Variants in MAML2 observed in about 807,000 individuals in gnomAD.
MAML2 encodes mastermind like transcriptional coactivator 2.
A neutral mutation model predicts 96.1 loss-of-function variants in MAML2; 22 were observed. The ratio of observed to expected loss-of-function variants is 0.23; its 90% CI spans 0.16 to 0.33. The LOEUF (loss-of-function observed/expected upper bound fraction) is 0.33. Ranked by LOEUF, MAML2 falls within the 10% of genes least tolerant of loss-of-function variation. MAML2 has a pLI of 1.00. For missense variants in MAML2, 1,367 were observed against 1,392.4 expected (o/e 0.98, Z 0.29); for synonymous variants, 561 against 521.3 (o/e 1.08, Z -1.04).
intron 1 of MAML2, among the ~76,000 whole-genome samples, chr11:96,247,221 ATAAG>A (rs1009548971): frequency 4.6e-5 from 7 of 152,114 alleles, no homozygotes; most frequent in African/African-American, 1.7e-4. Flanking sequence ...CAAAAAAAAA[ATAAG>A]TAAACCTTCA....
chr11:96,110,656 G>A (rs1860103397), intron 1 of MAML2, among the ~76,000 whole-genome samples: 1 of 151,462 alleles, frequency 6.6e-6, no homozygotes, highest in African/African-American at 2.4e-5. Context: ...GTATTCTTTT[G>A]GTTGGGTTTT....
chr11:96,181,217 C>T (rs1470253549), intron 1 of MAML2, among the ~76,000 whole-genome samples: 1 of 152,164 alleles, frequency 6.6e-6, no homozygotes, highest in Non-Finnish European at 1.5e-5. Context: ...AGAGGCCTGA[C>T]AGTACCTCCA....
At chr11:96,089,887 A>G (rs1198663953) in intron 2 of MAML2, among the ~76,000 whole-genome samples, 1 of 61,858 alleles carries the variant, frequency 1.6e-5, no homozygotes, top group Admixed American at 1.3e-4. Context: ...CCTCTGTATC[A>G]TATATGTCAT....
At chr11:96,045,909 T>G (rs1220377412) in intron 2 of MAML2, among the ~76,000 whole-genome samples, 2 of 151,586 alleles carry the variant, frequency 1.3e-5, no homozygotes, top group South Asian at 2.2e-4. Flanking sequence ...TCTGTTTTTT[T>G]TTTTTTTTTC....
intron 2 of MAML2, among the ~76,000 whole-genome samples, chr11:96,017,668 A>T (rs1858375859): frequency 6.6e-6 from 1 of 152,184 alleles, no homozygotes; most frequent in Non-Finnish European, 1.5e-5. Flanking sequence ...CTTCTAGGAT[A>T]AGATGACATT....
At chr11:96,310,039 A>T (rs1591125968) in intron 1 of MAML2, among the ~76,000 whole-genome samples, 1 of 152,112 alleles carries the variant, frequency 6.6e-6, no homozygotes, top group African/African-American at 2.4e-5. Flanking sequence ...TCCAAAATGT[A>T]TATGATGACA....
At chr11:96,158,523 A>T (rs373928120) in intron 1 of MAML2, among the ~76,000 whole-genome samples, 1 of 152,332 alleles carries the variant, frequency 6.6e-6, no homozygotes, top group African/African-American at 2.4e-5. Context: ...GAACTTCAAG[A>T]GATAGAAAAG....
chr11:96,140,848 G>A (rs1226339083), intron 1 of MAML2, among the ~76,000 whole-genome samples: 1 of 152,086 alleles, frequency 6.6e-6, no homozygotes, highest in Admixed American at 6.5e-5. Flanking sequence ...ATTCCATCAC[G>A]GGCCATGCTA....
chr11:96,093,388 C>G lies in MAML2; in HGVS notation c.643G>C (p.Gly215Arg). Residue 215 changes from glycine (G) to arginine (R), a missense_variant, in exon 2 of 5, where the codon GGA (glycine) becomes CGA (arginine). Physicochemically the swap from Gly to Arg is moderately radical, Grantham distance 125. Coordinates refer to ENST00000524717, the MANE Select transcript of MAML2 (RefSeq NM_032427.4). ...RIRVGENLSA[G>R]QGGLQINNGQ... ...TTGTTTATTTGGAGGCCACCTTGTC[C>G]TGCAGAGAGATTCTCCCCAACACGA... 1 of 1,614,020 alleles carries G rather than the reference C, an allele frequency of 6.2e-7. No individual in the cohort carries two copies. Among genetic ancestry groups the G allele is most frequent in the Admixed American group, 1.7e-5 (1 of 60,022 alleles).
intron 2 of MAML2, among the ~76,000 whole-genome samples, chr11:96,001,718 C>T (rs1260530884): frequency 6.6e-6 from 1 of 152,150 alleles, no homozygotes; most frequent in Non-Finnish European, 1.5e-5. Flanking sequence ...CTACACTGTA[C>T]TCCCAGCTTA....
intron 2 of MAML2, among the ~76,000 whole-genome samples, chr11:96,002,018 A>G (rs1858085757): frequency 6.6e-6 from 1 of 151,994 alleles, no homozygotes; most frequent in African/African-American, 2.4e-5. Context: ...CTCAACTCAG[A>G]TGTAATTTTT....
intron 1 of MAML2, among the ~76,000 whole-genome samples, chr11:96,337,748 A>T (rs1395076013): frequency 6.6e-6 from 1 of 152,260 alleles, no homozygotes; most frequent in African/African-American, 2.4e-5. Flanking sequence ...TTTAACTCCT[A>T]GAAGAACCAG....
intron 2 of MAML2, among the ~76,000 whole-genome samples, chr11:96,091,288 A>G (rs1010147022): frequency 1.5e-4 from 23 of 152,304 alleles, no homozygotes; most frequent in African/African-American, 5.1e-4. Context: ...CATACCTAGC[A>G]TTGAAATGGT....
At chr11:96,297,799 T>C (rs929197830) in intron 1 of MAML2, among the ~76,000 whole-genome samples, 1 of 152,288 alleles carries the variant, frequency 6.6e-6, no homozygotes, top group Middle Eastern at 3.4e-3. Context: ...TTAAAGCAAA[T>C]CCCGGCCATA....
intron 1 of MAML2, among the ~76,000 whole-genome samples, chr11:96,171,211 G>C (rs1861289866): frequency 6.6e-6 from 1 of 152,126 alleles, no homozygotes; most frequent in African/African-American, 2.4e-5. Flanking sequence ...TGGGCTATCA[G>C]ATTGTATGTG....
chr11:96,312,039 G>A (rs1863548673), intron 1 of MAML2, among the ~76,000 whole-genome samples: 1 of 151,742 alleles, frequency 6.6e-6, no homozygotes, highest in Admixed American at 6.6e-5. Context: ...GGCCAACATG[G>A]TGAAACCCTG....
intron 2 of MAML2, among the ~76,000 whole-genome samples, chr11:96,010,061 T>C (rs1348248751): frequency 6.6e-6 from 1 of 152,204 alleles, no homozygotes; most frequent in Non-Finnish European, 1.5e-5. Flanking sequence ...AACTGTAATA[T>C]GTCTTAAAAG....
In MAML2 at chr11:96,169,659, C is replaced by CTTTTTTTT. The variant is rs5793784; in HGVS notation, c.514-76150_514-76143dup. The stretch of plus-strand genomic sequence containing the variant: ...AAAGACAAACAGAAAAGAAAGTAAA[C>CTTTTTTTT]TTTTTTTTTTTTTTGAGATGGAGTC... On this transcript the variant is annotated intron_variant, in intron 1 of 4. Coordinates refer to ENST00000524717, the MANE Select transcript of MAML2 (RefSeq NM_032427.4). Among the ~76,000 whole-genome samples, 392 of 144,932 alleles carry CTTTTTTTT rather than the reference C, an allele frequency of 2.7e-3. 13 individuals are homozygous for CTTTTTTTT. The highest frequency in any genetic ancestry group is 0.016 in the Admixed American group (241 of 14,672).
intron 2 of MAML2, among the ~76,000 whole-genome samples, chr11:96,066,948 G>C (rs575586180): frequency 6.6e-6 from 1 of 152,228 alleles, no homozygotes; most frequent in African/African-American, 2.4e-5. Flanking sequence ...CTGGAGGATA[G>C]AGAAATAGAG....
Sources: allele counts gnomAD v4.1 joint callset (sites outside exome capture counted in the v4.1 genomes callset), GRCh38; gene constraint gnomAD v4.1.1; transcripts MANE v1.5; gene names NCBI Gene and HGNC (gene_info 2026-07-23, HGNC 2026-07-21).